Variants in PKIB observed in about 807,000 individuals in gnomAD.
PKIB encodes the protein PKI-beta.
PKIB carries 2 observed loss-of-function variants against 4.5 expected under a neutral mutation model. The observed-to-expected ratio is 0.44, with a 90% confidence interval of 0.18 to 1.39. The LOEUF (loss-of-function observed/expected upper bound fraction) is 1.39, where lower values mean the gene tolerates loss of function less well. Ranked by LOEUF, PKIB falls within the 40% of genes most tolerant of loss-of-function variation. The probability of loss-of-function intolerance (pLI) is 0.27; values close to 1 mark genes in which losing one functional copy is unlikely to be tolerated. For synonymous variants in PKIB, 38 were observed against 36.0 expected, an observed-to-expected ratio of 1.06 and a Z score of -0.20; for missense variants, 94 against 92.6, an observed-to-expected ratio of 1.02 and a Z score of -0.06.
chr6:122,718,429 T>G (rs1779590681), intron 4 of PKIB, among the ~76,000 whole-genome samples: 2 of 152,332 alleles, frequency 1.3e-5, no homozygotes, highest in East Asian at 3.9e-4. Flanking sequence ...GATGAGATTC[T>G]TTCAACAGAA....
intron 2 of PKIB, among the ~76,000 whole-genome samples, chr6:122,537,015 C>T (rs1777426446): frequency 1.3e-5 from 2 of 151,446 alleles, no homozygotes; most frequent in South Asian, 4.2e-4. Context: ...CATATAAGAT[C>T]TCCATCTGTT....
intron 2 of PKIB, among the ~76,000 whole-genome samples, chr6:122,665,816 C>A (rs980675069): frequency 6.6e-6 from 1 of 152,152 alleles, no homozygotes; most frequent in South Asian, 2.1e-4. Flanking sequence ...CCTCCACCCC[C>A]TAACCTGACA....
chr6:122,529,986 G>C (rs67341633), intron 2 of PKIB, among the ~76,000 whole-genome samples: 20,397 of 151,868 alleles, frequency 0.13, 1,503 homozygotes, highest in East Asian at 0.26. Flanking sequence ...CTTCAGATCT[G>C]GGCTATTTTC....
intron 3 of PKIB, among the ~76,000 whole-genome samples, chr6:122,705,886 C>G (rs1779038563): frequency 6.6e-6 from 1 of 152,092 alleles, no homozygotes; most frequent in South Asian, 2.1e-4. Context: ...TCATACACAC[C>G]TTTACTATGT....
At chr6:122,538,928 A>G (rs201571966) in intron 2 of PKIB, among the ~76,000 whole-genome samples, 18 of 151,780 alleles carry the variant, frequency 1.2e-4, no homozygotes, top group Non-Finnish European at 2.1e-4. Context: ...TAGGTATTTT[A>G]TTCTCTTTGA....
At chr6:122,525,073 T>G (rs535015747) in intron 2 of PKIB, among the ~76,000 whole-genome samples, 2 of 152,066 alleles carry the variant, frequency 1.3e-5, no homozygotes, top group African/African-American at 4.8e-5. Context: ...TTTTTTTAAA[T>G]GTATGCATTT....
At chr6:122,620,061 C>A (rs898714595) in intron 1 of PKIB, among the ~76,000 whole-genome samples, 5 of 152,080 alleles carry the variant, frequency 3.3e-5, no homozygotes, top group Admixed American at 6.6e-5. Flanking sequence ...GGGCACATTC[C>A]CTTCATGCCC....
intron 3 of PKIB, among the ~76,000 whole-genome samples, chr6:122,714,481 G>A (rs558504205): frequency 6.6e-6 from 1 of 152,240 alleles, no homozygotes; most frequent in African/African-American, 2.4e-5. Context: ...CTACAAAAAG[G>A]ACTAATTAGA....
chr6:122,624,143 A>G (rs1196588250), intron 1 of PKIB, among the ~76,000 whole-genome samples: 1 of 152,216 alleles, frequency 6.6e-6, no homozygotes, highest in Admixed American at 6.5e-5. Flanking sequence ...ATGTTCTCAA[A>G]CATGACAATA....
chr6:122,589,992 CATAAT>C (rs1464401742), intron 3 of PKIB, among the ~76,000 whole-genome samples: 1 of 151,904 alleles, frequency 6.6e-6, no homozygotes, highest in Non-Finnish European at 1.5e-5. Context: ...TGTGCATAAT[CATAAT>C]ATATGTTTTG....
chr6:122,617,737 A>G (rs1220620052), intron 1 of PKIB, among the ~76,000 whole-genome samples: 3 of 152,142 alleles, frequency 2.0e-5, no homozygotes, highest in African/African-American at 7.2e-5. Flanking sequence ...TTTGATGACA[A>G]CAGTTTAGGT....
chr6:122,552,467 C>G (rs1033873092), intron 2 of PKIB, among the ~76,000 whole-genome samples: 1 of 152,114 alleles, frequency 6.6e-6, no homozygotes, highest in Non-Finnish European at 1.5e-5. Flanking sequence ...ACCTCCACCC[C>G]CTGGGTTCCA....
chr6:122,616,559 T>A (rs568662436), intron 1 of PKIB, among the ~76,000 whole-genome samples: 2 of 152,278 alleles, frequency 1.3e-5, no homozygotes, highest in South Asian at 4.1e-4. Flanking sequence ...TTAGGAGTCA[T>A]TAGTGTGGGA....
intron 2 of PKIB, among the ~76,000 whole-genome samples, chr6:122,487,055 C>T (rs913365594): frequency 7.2e-5 from 11 of 152,264 alleles, no homozygotes; most frequent in East Asian, 5.8e-4. Context: ...CATTTTACTG[C>T]ATAACCACAA....
intron 4 of PKIB, among the ~76,000 whole-genome samples, chr6:122,723,280 A>T (rs1779813290): frequency 6.6e-6 from 1 of 152,174 alleles, no homozygotes; most frequent in African/African-American, 2.4e-5. Flanking sequence ...GCACACTCAT[A>T]TACTAATTGC....
chr6:122,619,100 A>G (rs1775111328), intron 1 of PKIB, among the ~76,000 whole-genome samples: 1 of 152,066 alleles, frequency 6.6e-6, no homozygotes, highest in Non-Finnish European at 1.5e-5. Context: ...TCTGTTTGCA[A>G]GAGCTTTTTA....
At chr6:122,536,274 G>A (rs776149160) in intron 2 of PKIB, among the ~76,000 whole-genome samples, 4 of 151,972 alleles carry the variant, frequency 2.6e-5, no homozygotes, top group Non-Finnish European at 5.9e-5. Flanking sequence ...AATGGTCTTT[G>A]TGAAAAAAAG....
In PKIB at chr6:122,509,530, G is replaced by A. The variant is rs189773631; in HGVS notation, c.-248+31591G>A. On this transcript the variant is annotated intron_variant, in intron 2 of 6. Coordinates refer to the PKIB transcript ENST00000392491. ...ACTGCAAGCTCTGCCTCCCAGGTTT[G>A]CGCCATTCTCCTGCCTTAGCCTCCC... Among the ~76,000 whole-genome samples, 28 of 151,420 alleles carry A rather than the reference G, an allele frequency of 1.8e-4. No homozygotes were observed. In the East Asian group the frequency reaches 5.3e-3, roughly 29 times the overall value.
intron 3 of PKIB, among the ~76,000 whole-genome samples, chr6:122,693,205 A>G (rs942830498): frequency 6.6e-6 from 1 of 152,198 alleles, no homozygotes; most frequent in African/African-American, 2.4e-5. Flanking sequence ...CAAGGCTTCA[A>G]GGTTTTCTGA....
Sources: allele counts gnomAD v4.1 joint callset (sites outside exome capture counted in the v4.1 genomes callset), GRCh38; gene constraint gnomAD v4.1.1; transcripts MANE v1.5; gene names NCBI Gene and HGNC (gene_info 2026-07-23, HGNC 2026-07-21).